The following LIMS1 variants were observed in gnomAD, a reference collection of about 807,000 sequenced individuals.
LIMS1 encodes LIM and senescent cell antigen-like-containing domain protein 1.
In LIMS1, 18 loss-of-function variants were observed where a neutral mutation model predicts 44.1. The ratio of observed to expected loss-of-function variants is 0.41; its 90% CI spans 0.28 to 0.61. The LOEUF is 0.61. LIMS1 is among the 20% of genes least tolerant of loss of function. LIMS1 has a pLI of 0.32. For missense variants in LIMS1, 201 were observed against 422.0 expected, an observed-to-expected ratio of 0.48 and a Z score of 4.59; for synonymous variants, 93 against 149.1, an observed-to-expected ratio of 0.62 and a Z score of 2.74.
At chr2:108,534,019 G>C (rs186344342), upstream of LIMS1, 672 of 153,490 alleles carry the variant, frequency 4.4e-3, 4 homozygotes, top group South Asian at 0.014. Context: ...TGCCAGGGCC[G>C]CGCAGCCACG....
chr2:108,604,864 T>G lies in LIMS1; in HGVS notation c.33-54741T>G, dbSNP rs569912250. ...TTGATCTCCGCCAGGTAAGAGCAATTTACCTGCAGGAAGGATTGATGGGTC... is the reference window on the plus strand; with the variant it reads ...TTGATCTCCGCCAGGTAAGAGCAATGTACCTGCAGGAAGGATTGATGGGTC... On this transcript the variant is annotated intron_variant, in intron 1 of 9. Coordinates refer to ENST00000544547, the Ensembl canonical transcript of LIMS1. Among the ~76,000 whole-genome samples, 35 of 152,258 alleles carry G rather than the reference T, an allele frequency of 2.3e-4. No individual in the cohort carries two copies. The South Asian group carries it at 5.2e-3, about 23-fold the overall frequency.
chr2:108,662,553 T>C (rs1691453486), intron 2 of LIMS1: 8 of 1,236,476 alleles, frequency 6.5e-6, no homozygotes, highest in Non-Finnish European at 6.4e-6. Flanking sequence ...GGCTAAATTG[T>C]TTATCATTAA....
intron 1 of LIMS1, among the ~76,000 whole-genome samples, chr2:108,612,029 TAC>T (rs71381969): frequency 0.048 from 3,840 of 79,884 alleles, 216 homozygotes; most frequent in African/African-American, 0.16. Flanking sequence ...CACACACATA[TAC>T]ACACACACAC....
At chr2:108,576,559 C>T (rs1188403531) in intron 1 of LIMS1, among the ~76,000 whole-genome samples, 1 of 152,088 alleles carries the variant, frequency 6.6e-6, no homozygotes, top group Non-Finnish European at 1.5e-5. Context: ...TGCCACCACA[C>T]CTGGCTAATT....
chr2:108,685,006 T>C (rs1258832267), exon 10 of LIMS1: 1 of 152,124 alleles, frequency 6.6e-6, no homozygotes, highest in African/African-American at 2.4e-5. Context: ...TAAAACTAAG[T>C]GCATTGAGAT....
chr2:108,586,097 C>T (rs1686090048), intron 1 of LIMS1, among the ~76,000 whole-genome samples: 1 of 152,064 alleles, frequency 6.6e-6, no homozygotes, highest in Non-Finnish European at 1.5e-5. Context: ...GGGGCTGAGG[C>T]AGGAGAATGG....
chr2:108,534,590 C>G, exon 1 of LIMS1: 1 of 1,170,674 alleles, frequency 8.5e-7, no homozygotes, highest in Non-Finnish European at 1.1e-6. Flanking sequence ...CGGGATGACC[C>G]ACAGGTACGG....
chr2:108,588,671 T>G (rs143226737), intron 1 of LIMS1: 1 of 886,484 alleles, frequency 1.1e-6, no homozygotes, highest in Non-Finnish European at 1.4e-6. Context: ...TGACCTACCT[T>G]TCTCAGTTAT....
intron 1 of LIMS1, chr2:108,659,101 A>T (rs920372847): frequency 2.1e-6 from 2 of 974,222 alleles, no homozygotes; most frequent in African/African-American, 3.5e-5. Context: ...AGGCTACTTA[A>T]GCAGTTGTTT....
intron 9 of LIMS1, among the ~76,000 whole-genome samples, chr2:108,683,426 C>T (rs1693134966): frequency 6.6e-6 from 1 of 151,004 alleles, no homozygotes. Flanking sequence ...ACTTGTGTCC[C>T]AGCTATTCAG....
intron 1 of LIMS1, among the ~76,000 whole-genome samples, chr2:108,611,496 G>A (rs1332288841): frequency 6.6e-6 from 1 of 151,962 alleles, no homozygotes; most frequent in South Asian, 2.1e-4. Flanking sequence ...CTATATAGTG[G>A]TCTCATTACA....
chr2:108,591,808 T>A (rs905179510), intron 1 of LIMS1, among the ~76,000 whole-genome samples: 2 of 144,360 alleles, frequency 1.4e-5, no homozygotes, highest in African/African-American at 5.0e-5. Context: ...TTTGTTTTTT[T>A]TTTTGAGACA....
chr2:108,676,136 A>G (rs900179820), intron 6 of LIMS1, 108 bp downstream of exon 6: 3 of 1,352,554 alleles, frequency 2.2e-6, no homozygotes, highest in African/African-American at 2.9e-5. Context: ...GTACTTTCAA[A>G]TCTTCATGAT....
intron 1 of LIMS1, among the ~76,000 whole-genome samples, chr2:108,556,662 C>G (rs924461351): frequency 2.6e-5 from 4 of 152,162 alleles, no homozygotes; most frequent in Admixed American, 2.0e-4. Flanking sequence ...GAATGAGGGT[C>G]AGTGATCAAC....
chr2:108,593,420 G>C (rs1290704514), intron 1 of LIMS1, among the ~76,000 whole-genome samples: 1 of 152,198 alleles, frequency 6.6e-6, no homozygotes, highest in South Asian at 2.1e-4. Flanking sequence ...AAGGAATGCT[G>C]GGGAAAAGGT....
chr2:108,641,485 T>G (rs1252414549), intron 1 of LIMS1, among the ~76,000 whole-genome samples: 1 of 152,172 alleles, frequency 6.6e-6, no homozygotes, highest in Admixed American at 6.5e-5. Flanking sequence ...TGATGGTGCA[T>G]AGGGAGAGAA....
At chr2:108,555,501 C>G (rs1404534717) in intron 1 of LIMS1, among the ~76,000 whole-genome samples, 2 of 152,174 alleles carry the variant, frequency 1.3e-5, no homozygotes, top group Non-Finnish European at 2.9e-5. Flanking sequence ...TTTGGGTTTT[C>G]TGATTTCCTG....
intron 1 of LIMS1, among the ~76,000 whole-genome samples, chr2:108,584,200 T>C (rs2577625): frequency 0.63 from 95,115 of 152,010 alleles, 30,351 homozygotes; most frequent in East Asian, 0.97. Context: ...TGAGCCAGCC[T>C]GTGTTTGCTA....
At chr2:108,669,080 T>C (rs1691985172) in intron 2 of LIMS1, among the ~76,000 whole-genome samples, 1 of 151,970 alleles carries the variant, frequency 6.6e-6, no homozygotes, top group Admixed American at 6.6e-5. Context: ...AACAAAAAGA[T>C]ACATTAAATA....
Sources: gnomAD v4.1 joint callset for allele counts (sites outside exome capture counted in the v4.1 genomes callset) on GRCh38, gnomAD v4.1.1 for gene constraint, MANE v1.5 for transcripts, NCBI Gene and HGNC (gene_info 2026-07-23, HGNC 2026-07-21) for gene names.